The following RBPJ variants were observed in gnomAD, a reference collection of about 807,000 sequenced individuals.
The protein encoded by RBPJ is recombination signal binding protein for immunoglobulin kappa J region, also known as recombining binding protein suppressor of hairless.
In RBPJ, 9 loss-of-function variants were observed where a neutral mutation model predicts 67.8. That is an observed-to-expected ratio of 0.13 (90% CI 0.08 to 0.23). RBPJ has a LOEUF of 0.23. Ranked by LOEUF, RBPJ falls within the 10% of genes least tolerant of loss-of-function variation. The probability of loss-of-function intolerance (pLI) is 1.00; values close to 1 mark genes in which losing one functional copy is unlikely to be tolerated. For missense variants in RBPJ, 305 were observed against 595.6 expected (o/e 0.51, Z 5.08); for synonymous variants, 198 against 203.3 (o/e 0.97, Z 0.22).
chr4:26,349,099 C>T (rs751275658), intron 1 of RBPJ, among the ~76,000 whole-genome samples: 27 of 151,290 alleles, frequency 1.8e-4, no homozygotes, highest in Non-Finnish European at 3.4e-4. Context: ...CGCGCGCGCA[C>T]GCACTTGCCA....
At chr4:26,301,760 G>A (rs1363906245) in intron 1 of RBPJ, among the ~76,000 whole-genome samples, 2 of 151,938 alleles carry the variant, frequency 1.3e-5, no homozygotes, top group African/African-American at 4.8e-5. Context: ...CATGATATAG[G>A]CTGAAGCTAA....
upstream of RBPJ, among the ~76,000 whole-genome samples, chr4:26,315,570 G>T (rs769912789): frequency 2.0e-5 from 3 of 152,038 alleles, no homozygotes; most frequent in Non-Finnish European, 4.4e-5. Context: ...ACTGATGAGG[G>T]TTTATGTTCA....
intron 1 of RBPJ, among the ~76,000 whole-genome samples, chr4:26,283,631 T>C (rs73114545): frequency 0.13 from 19,283 of 150,466 alleles, 2,333 homozygotes; most frequent in African/African-American, 0.32. Context: ...TCTTTCCTGC[T>C]GAATACATTT....
intron 4 of RBPJ, among the ~76,000 whole-genome samples, chr4:26,419,772 T>C (rs1734946229): frequency 6.6e-6 from 1 of 152,176 alleles, no homozygotes; most frequent in African/African-American, 2.4e-5. Context: ...ATATATAATA[T>C]AAGCAGTAGC....
chr4:26,392,449 G>A (rs1424770183), intron 2 of RBPJ, among the ~76,000 whole-genome samples: 4 of 152,166 alleles, frequency 2.6e-5, no homozygotes, highest in African/African-American at 9.7e-5. Flanking sequence ...ACAAATTGTA[G>A]TGTATTCTAC....
intron 1 of RBPJ, among the ~76,000 whole-genome samples, chr4:26,181,656 A>G (rs1193832468): frequency 6.6e-6 from 1 of 152,236 alleles, no homozygotes; most frequent in Non-Finnish European, 1.5e-5. Flanking sequence ...GCTCAGTCAT[A>G]GGCTACAAAC....
intron 4 of RBPJ, among the ~76,000 whole-genome samples, chr4:26,417,630 GA>G (rs1368612128): frequency 6.7e-6 from 1 of 150,140 alleles, no homozygotes; most frequent in South Asian, 2.1e-4. Flanking sequence ...ATCCCAGGCA[GA>G]AAAAAAAACA....
At chr4:26,348,816 G>A (rs1025189074) in intron 1 of RBPJ, among the ~76,000 whole-genome samples, 1 of 150,228 alleles carries the variant, frequency 6.7e-6, no homozygotes, top group Admixed American at 6.6e-5. Context: ...CCATCCTTCT[G>A]CCCTAGTCTC....
At chr4:26,209,366 G>A (rs912282959) in intron 1 of RBPJ, among the ~76,000 whole-genome samples, 3 of 151,968 alleles carry the variant, frequency 2.0e-5, no homozygotes, top group East Asian at 3.9e-4. Flanking sequence ...CAAGATTTTC[G>A]GTTTGTGTTT....
chr4:26,223,286 T>G (rs1238040729), intron 1 of RBPJ, among the ~76,000 whole-genome samples: 1 of 152,112 alleles, frequency 6.6e-6, no homozygotes, highest in Non-Finnish European at 1.5e-5. Context: ...GACACTCATG[T>G]GATAGGCACT....
chr4:26,255,266 T>A (rs541207056), intron 1 of RBPJ, among the ~76,000 whole-genome samples: 1 of 133,698 alleles, frequency 7.5e-6, no homozygotes, highest in African/African-American at 3.3e-5. Context: ...GAGCCGGGCG[T>A]GGTGGCGGGC....
Position 26,231,404 on chromosome 4 carries a change from T to C in RBPJ, c.-167+67790T>C, listed in dbSNP as rs142921425. Reference sequence around the variant, plus strand: ...ACTTTTTTTTTAACTTTTTACTTTTTTTAATTGCACTTTTTTTTTTTTTTT... The same window carrying C: ...ACTTTTTTTTTAACTTTTTACTTTTCTTAATTGCACTTTTTTTTTTTTTTT... On this transcript the variant is annotated intron_variant, in intron 1 of 4. Transcript: ENST00000512351. 6.2e-4 allele frequency among the ~76,000 whole-genome samples: 93 copies of C among 151,156 alleles called. 3 individuals carry two copies. The East Asian group carries it at 0.017, about 27-fold the overall frequency.
intron 1 of RBPJ, among the ~76,000 whole-genome samples, chr4:26,284,373 G>T (rs997277317): frequency 1.3e-5 from 2 of 152,098 alleles, no homozygotes; most frequent in Non-Finnish European, 2.9e-5. Context: ...AAACAATTTT[G>T]GTTTTGCAAT....
chr4:26,217,417 C>T (rs911459792), intron 1 of RBPJ, among the ~76,000 whole-genome samples: 3 of 151,934 alleles, frequency 2.0e-5, no homozygotes, highest in Non-Finnish European at 4.4e-5. Flanking sequence ...TTTTAATGGC[C>T]TCTGCTTGGA....
At chr4:26,248,842 G>A (rs1420955685) in intron 1 of RBPJ, among the ~76,000 whole-genome samples, 1 of 152,200 alleles carries the variant, frequency 6.6e-6, no homozygotes, top group Non-Finnish European at 1.5e-5. Context: ...AGATCAGCAA[G>A]CAGGATTTTC....
At chr4:26,147,073 G>A in the RBPJ span, among the ~76,000 whole-genome samples, 2 of 152,222 alleles carry the variant, frequency 1.3e-5, no homozygotes, top group Admixed American at 1.3e-4. Flanking sequence ...TCTGAGCCGA[G>A]GTGAGGAGGT....
the RBPJ span, among the ~76,000 whole-genome samples, chr4:26,109,446 CTCTCTCTCTCTCTCTATA>C: frequency 1.1e-4 from 3 of 27,526 alleles, no homozygotes; most frequent in East Asian, 4.3e-4. Flanking sequence ...CTCTCTCTCT[CTCTCTCTCTCTCTCTATA>C]TATATATATA....
At chr4:26,276,272 CAAAAAAA>C (rs767611317) in intron 1 of RBPJ, among the ~76,000 whole-genome samples, 5 of 64,358 alleles carry the variant, frequency 7.8e-5, no homozygotes, top group Non-Finnish European at 1.7e-4. Flanking sequence ...GACTCCATCT[CAAAAAAA>C]AAAAAAAAAG....
At chr4:26,414,800 G>A (rs763630682) in intron 3 of RBPJ, among the ~76,000 whole-genome samples, 10 of 152,200 alleles carry the variant, frequency 6.6e-5, no homozygotes, top group Non-Finnish European at 1.2e-4. Context: ...GTCATATTCT[G>A]TGAGTTGAAA....
Sources: allele counts gnomAD v4.1 joint callset (sites outside exome capture counted in the v4.1 genomes callset), GRCh38; gene constraint gnomAD v4.1.1; transcripts MANE v1.5; gene names NCBI Gene and HGNC (gene_info 2026-07-23, HGNC 2026-07-21).